The following DAB1 variants were observed in gnomAD, a reference collection of about 807,000 sequenced individuals.
The protein encoded by DAB1 is disabled homolog 1.
DAB1 carries 15 observed loss-of-function variants against 64.6 expected under a neutral mutation model. The ratio of observed to expected loss-of-function variants is 0.23; its 90% CI spans 0.16 to 0.36. DAB1 has a LOEUF of 0.36. Among genes scored for constraint, DAB1 ranks in the 10% least tolerant of loss-of-function variants. The pLI is 1.00. For missense variants in DAB1, 596 were observed against 706.7 expected, an observed-to-expected ratio of 0.84 and a Z score of 1.78; for synonymous variants, 235 against 251.9, an observed-to-expected ratio of 0.93 and a Z score of 0.64.
intron 7 of DAB1, among the ~76,000 whole-genome samples, chr1:57,615,566 T>C (rs1433747722): frequency 1.3e-5 from 2 of 152,322 alleles, no homozygotes; most frequent in South Asian, 2.1e-4. Flanking sequence ...ATCGTACTAC[T>C]TGGAACTGTA....
chr1:57,315,650 C>T (rs988874737), intron 1 of DAB1, among the ~76,000 whole-genome samples: 3 of 152,112 alleles, frequency 2.0e-5, no homozygotes, highest in African/African-American at 7.2e-5. Context: ...CTACAAGTGC[C>T]TGCCACCACG....
At chr1:57,291,347 C>A (rs1028039882) in intron 1 of DAB1, among the ~76,000 whole-genome samples, 181 bp from the exon 2 acceptor site, 1 of 152,094 alleles carries the variant, frequency 6.6e-6, no homozygotes, top group Non-Finnish European at 1.5e-5. Context: ...AGAGGCTTAG[C>A]GGCAAAACTG....
intron 2 of DAB1, among the ~76,000 whole-genome samples, chr1:57,195,194 G>A (rs1290758021): frequency 2.6e-5 from 4 of 151,950 alleles, no homozygotes; most frequent in Non-Finnish European, 4.4e-5. Flanking sequence ...TTCATCAAAC[G>A]TTTATGGAAT....
chr1:58,401,034 G>T (rs1644564642), intron 3 of DAB1, among the ~76,000 whole-genome samples: 1 of 152,168 alleles, frequency 6.6e-6, no homozygotes, highest in Non-Finnish European at 1.5e-5. Flanking sequence ...CACTAGTGGT[G>T]TGATGCTGGG....
intron 14 of DAB1, among the ~76,000 whole-genome samples, chr1:57,007,375 A>G (rs1232395535): frequency 2.0e-5 from 3 of 152,126 alleles, no homozygotes; most frequent in African/African-American, 7.2e-5. Flanking sequence ...CGTCCTCAAA[A>G]TTGCTCCAGC....
intron 5 of DAB1, among the ~76,000 whole-genome samples, chr1:58,092,976 T>C (rs1650759499): frequency 6.6e-6 from 1 of 152,208 alleles, no homozygotes; most frequent in Non-Finnish European, 1.5e-5. Context: ...ATATTGTCTC[T>C]ATTTAAATAT....
intron 5 of DAB1, among the ~76,000 whole-genome samples, chr1:57,926,147 C>T (rs1644876388): frequency 6.6e-6 from 1 of 152,178 alleles, no homozygotes; most frequent in South Asian, 2.1e-4. Flanking sequence ...GTGCCAGTGA[C>T]CCTGGGCCAA....
chr1:57,217,179 G>T (rs1378649835), intron 2 of DAB1, among the ~76,000 whole-genome samples: 2 of 152,172 alleles, frequency 1.3e-5, no homozygotes, highest in Non-Finnish European at 2.9e-5. Flanking sequence ...ATCACTCTTA[G>T]TTTCCTCCTG....
At chr1:57,577,993 T>TC (rs1374810087) in intron 7 of DAB1, among the ~76,000 whole-genome samples, 1 of 152,032 alleles carries the variant, frequency 6.6e-6, no homozygotes, top group Non-Finnish European at 1.5e-5. Context: ...CCAGCTGGGG[T>TC]CAACAGAGGT....
chr1:57,432,363 C>A (rs921237190), intron 7 of DAB1, among the ~76,000 whole-genome samples: 2 of 151,642 alleles, frequency 1.3e-5, no homozygotes, highest in African/African-American at 4.8e-5. Context: ...TTTTGGTAGA[C>A]CTAAACCAGC....
intron 5 of DAB1, among the ~76,000 whole-genome samples, chr1:58,016,746 C>CTCCA (rs2100443420): frequency 6.6e-6 from 1 of 152,284 alleles, no homozygotes; most frequent in Admixed American, 6.5e-5. Context: ...TTTCTCCATT[C>CTCCA]TCCATCTGTA....
At chr1:57,847,319 G>A (rs541243355) in intron 1 of DAB1, among the ~76,000 whole-genome samples, 10 of 148,422 alleles carry the variant, frequency 6.7e-5, no homozygotes, top group Admixed American at 4.0e-4. Context: ...CTAGATAGAA[G>A]AAAAAAAAGG....
intron 6 of DAB1, among the ~76,000 whole-genome samples, chr1:57,682,749 G>A (rs928340252): frequency 1.3e-5 from 2 of 152,118 alleles, no homozygotes; most frequent in Admixed American, 1.3e-4. Context: ...TGTGTGGGGG[G>A]AAGCTCCAGT....
intron 6 of DAB1, among the ~76,000 whole-genome samples, chr1:57,695,446 A>G (rs1310216304): frequency 6.6e-6 from 1 of 151,520 alleles, no homozygotes; most frequent in East Asian, 1.9e-4. Context: ...AAAGAAGAAA[A>G]GAGCCAATTA....
At chr1:57,331,621 C>T (rs1296432796) in intron 1 of DAB1, among the ~76,000 whole-genome samples, 1 of 152,186 alleles carries the variant, frequency 6.6e-6, no homozygotes, top group Non-Finnish European at 1.5e-5. Context: ...ATCCTGCTTC[C>T]CATTTAGCTA....
At chr1:57,963,131 C>T (rs1342035941) in intron 5 of DAB1, among the ~76,000 whole-genome samples, 5 of 152,068 alleles carry the variant, frequency 3.3e-5, no homozygotes, top group African/African-American at 1.2e-4. Flanking sequence ...AGATACTGTG[C>T]TAGGTGCTGG....
At chr1:57,476,553 C>T (rs1643941725) in intron 7 of DAB1, among the ~76,000 whole-genome samples, 1 of 152,128 alleles carries the variant, frequency 6.6e-6, no homozygotes, top group African/African-American at 2.4e-5. Flanking sequence ...TAATAATTCT[C>T]ACATTGGCAG....
chr1:58,145,063 A>T (rs1307678088), intron 5 of DAB1, among the ~76,000 whole-genome samples: 1 of 152,236 alleles, frequency 6.6e-6, no homozygotes, highest in Non-Finnish European at 1.5e-5. Context: ...GAGAATACAA[A>T]CAAGAGACGG....
intron 5 of DAB1, among the ~76,000 whole-genome samples, chr1:58,029,923 C>T (rs1488259097): frequency 6.6e-6 from 1 of 151,978 alleles, no homozygotes; most frequent in East Asian, 1.9e-4. Flanking sequence ...AAGTATGAAT[C>T]GTCCAGGTGC....
Sources: allele counts gnomAD v4.1 joint callset (sites outside exome capture counted in the v4.1 genomes callset), GRCh38; gene constraint gnomAD v4.1.1; transcripts MANE v1.5; gene names NCBI Gene and HGNC (gene_info 2026-07-23, HGNC 2026-07-21).